Variants in HSPG2 observed in about 807,000 individuals in gnomAD.
HSPG2 encodes basement membrane-specific heparan sulfate proteoglycan core protein.
In HSPG2, 278 loss-of-function variants were observed where a neutral mutation model predicts 526.6. That is an observed-to-expected ratio of 0.53 (90% CI 0.48 to 0.58). The LOEUF (loss-of-function observed/expected upper bound fraction) is 0.58, where lower values mean the gene tolerates loss of function less well. HSPG2 is among the 20% of genes least tolerant of loss of function. The pLI is 0.00. For missense variants in HSPG2, 5,354 were observed against 6,099.5 expected (o/e 0.88, Z 4.07); for synonymous variants, 2,465 against 2,555.4 (o/e 0.96, Z 1.07).
Position 21,904,314 on chromosome 1 carries a change from C to A in HSPG2, c.64-8004G>T, listed in dbSNP as rs553401242. ...AGCAAAGCAGAGAAGGGGAAGAGTG[C>A]GGACCAGGTGGAGGGAAGGGCACAC... On this transcript the variant is annotated intron_variant, in intron 1 of 96. Transcript: ENST00000374695. This position sits in a 1 kb window ranked among gnomAD's most constrained non-coding sequence, Gnocchi z 4.4. 3.3e-5 allele frequency among the ~76,000 whole-genome samples: 5 copies of A among 152,090 alleles called. No homozygotes were observed. The South Asian group carries it at 8.3e-4, about 25-fold the overall frequency.
At chr1:21,876,072 G>A in intron 23 of HSPG2, 30 bp from the exon 24 acceptor site, 1 of 1,612,534 alleles carries the variant, frequency 6.2e-7, no homozygotes, top group Non-Finnish European at 8.5e-7. Flanking sequence ...GGAGCTTGCG[G>A]AGGCCTGAAT....
At chr1:21,914,487 G>A (rs1015333141) in intron 1 of HSPG2, among the ~76,000 whole-genome samples, 3 of 152,156 alleles carry the variant, frequency 2.0e-5, no homozygotes, top group Non-Finnish European at 4.4e-5. Flanking sequence ...TCTATCCCCC[G>A]GAGGAGAATC....
At chr1:21,903,243 C>T (rs976624388) in intron 1 of HSPG2, among the ~76,000 whole-genome samples, 8 of 152,168 alleles carry the variant, frequency 5.3e-5, no homozygotes, top group Non-Finnish European at 8.8e-5. Flanking sequence ...CCCTGAAATC[C>T]GTTCCAAGAC....
rs546574624 is a variant in HSPG2, at chr1:21,849,685, GT to G, written c.7446+355del. 9.9e-3 allele frequency among the ~76,000 whole-genome samples: 1,447 copies of G among 146,574 alleles called. 12 individuals carry two copies. Among genetic ancestry groups the G allele is most frequent in the Middle Eastern group, 0.029 (8 of 280 alleles). On this transcript the variant is annotated intron_variant, in intron 57 of 96. Coordinates refer to ENST00000374695, the MANE Select transcript of HSPG2 (RefSeq NM_005529.7). Reference sequence around the variant, plus strand: ...AACATGCCTGAGTTCAAAGCCTGTGGTTTTTTTTTTTTGAGACGGAGTCTTG... The same window carrying G: ...AACATGCCTGAGTTCAAAGCCTGTGGTTTTTTTTTTTGAGACGGAGTCTTG...
Position 21,848,174 on chromosome 1 carries a change from T to C in HSPG2, c.7738-81A>G. On this transcript the variant is annotated intron_variant, in intron 59 of 96. Coordinates refer to ENST00000374695, the MANE Select transcript of HSPG2 (RefSeq NM_005529.7). This position sits in a 1 kb window ranked among gnomAD's most constrained non-coding sequence, Gnocchi z 4.9. Reference sequence around the variant, plus strand: ...TCTTGGGCACTGCTGCCGCTGCCCCTGGACTCTGGGGGCCTCCCTGCCTTG... The same window carrying C: ...TCTTGGGCACTGCTGCCGCTGCCCCCGGACTCTGGGGGCCTCCCTGCCTTG... The C allele has an allele frequency of 3.4e-6, 5 of 1,470,740 alleles. No individual in the cohort carries two copies. Among genetic ancestry groups the C allele is most frequent in the Non-Finnish European group, 4.6e-6 (5 of 1,085,440 alleles). The allele number at this position is 1,470,740 out of a possible 1,614,324, so 91.1% of individuals were successfully genotyped here. A position where few individuals can be genotyped will look rare whatever the true frequency, so the allele number is the denominator to read the frequency against.
Position 21,823,284 on chromosome 1 carries a change from G to A in HSPG2, c.*32C>T. ...ACTCGACATTGTCGGGCTGGGGCGT[G>A]GCCCGGGAGTCCGTGTGGGGCAGGC... On this transcript the variant is annotated 3_prime_UTR_variant, in exon 97 of 97. Coordinates refer to ENST00000374695, the MANE Select transcript of HSPG2 (RefSeq NM_005529.7). 2 of 1,477,524 alleles carry A rather than the reference G, an allele frequency of 1.4e-6. No homozygotes were observed. The highest frequency in any genetic ancestry group is 9.0e-7 in the Non-Finnish European group (1 of 1,115,242). 91.5% of individuals were successfully genotyped at this position (1,477,524 alleles called of 1,614,324 possible).
chr1:21,843,877 C>A (rs962921914), intron 65 of HSPG2, among the ~76,000 whole-genome samples: 4 of 152,156 alleles, frequency 2.6e-5, no homozygotes, highest in African/African-American at 9.7e-5. Flanking sequence ...CTCAAGTGAT[C>A]CACCTGCCTC....
rs1638631149 is a variant in HSPG2, at chr1:21,848,544, T to A, written c.7737+99A>T. The A allele has an allele frequency of 7.3e-7, 1 of 1,370,058 alleles. No individual in the cohort carries two copies. The highest frequency in any genetic ancestry group is 1.0e-6 in the Non-Finnish European group (1 of 962,942). 84.9% of individuals were successfully genotyped at this position (1,370,058 alleles called of 1,614,324 possible). A position where few individuals can be genotyped will look rare whatever the true frequency, so the allele number is the denominator to read the frequency against. On this transcript the variant is annotated intron_variant, in intron 59 of 96. Coordinates refer to ENST00000374695, the MANE Select transcript of HSPG2 (RefSeq NM_005529.7). The surrounding 1 kb of genome is among the most constrained non-coding windows in gnomAD (Gnocchi z 4.9). ...GCAAGGATACTCAATGTTTGTTGAATGACTGAATGAGCACAGAGTGAGGTG... is the reference window on the plus strand; with the variant it reads ...GCAAGGATACTCAATGTTTGTTGAAAGACTGAATGAGCACAGAGTGAGGTG...
chr1:21,852,576 A>G, intron 52 of HSPG2, 124 bp downstream of exon 52: 1 of 1,345,930 alleles, frequency 7.4e-7, no homozygotes, highest in Non-Finnish European at 1.1e-6. Flanking sequence ...CGGCCTGGGC[A>G]GGGCCCTGCA....
chr1:21,900,416 CA>C lies in HSPG2; in HGVS notation c.64-4107del, dbSNP rs1337303637. Among the ~76,000 whole-genome samples the C allele has an allele frequency of 1.2e-4, 18 of 152,178 alleles. 1 individual carries two copies. Among genetic ancestry groups the C allele is most frequent in the Admixed American group, 1.0e-3 (16 of 15,280 alleles). On this transcript the variant is annotated intron_variant, in intron 1 of 96. Transcript: ENST00000374695. ...TGGGCGAGGGCTTCTGGGAGGCACC[CA>C]ATCCCAGAGGTGGGCTATGTCCAGG...
intron 65 of HSPG2, 92 bp downstream of exon 65, chr1:21,844,056 C>T: frequency 6.5e-7 from 1 of 1,535,986 alleles, no homozygotes; most frequent in Non-Finnish European, 8.9e-7. Context: ...CCACAAGCCC[C>T]AGTTGCTGAG....
In HSPG2 at chr1:21,848,148, A is replaced by G; in HGVS notation, c.7738-55T>C. On this transcript the variant is annotated intron_variant, in intron 59 of 96. Transcript: ENST00000374695. The surrounding 1 kb of genome is among the most constrained non-coding windows in gnomAD (Gnocchi z 4.9). ...CAGTAGGTGTGGGCAGCTCCTCCACATCTTGGGCACTGCTGCCGCTGCCCC... is the reference window on the plus strand; with the variant it reads ...CAGTAGGTGTGGGCAGCTCCTCCACGTCTTGGGCACTGCTGCCGCTGCCCC... 1 of 1,542,196 alleles carries G rather than the reference A, an allele frequency of 6.5e-7. No individual in the cohort carries two copies. Among genetic ancestry groups the G allele is most frequent in the Non-Finnish European group, 8.7e-7 (1 of 1,145,576 alleles).
chr1:21,851,273 G>A (rs1198533760), intron 55 of HSPG2: 1 of 522,690 alleles, frequency 1.9e-6, no homozygotes, highest in African/African-American at 1.9e-5. Flanking sequence ...GTGCCCGGCT[G>A]GTACGTACCA....
At position 21,848,117 on chromosome 1, in the gene HSPG2, G is replaced by C. The variant is rs780381439; in HGVS notation, c.7738-24C>G. 7 of 1,561,700 alleles carry C rather than the reference G, an allele frequency of 4.5e-6. No homozygotes were observed. The highest frequency in any genetic ancestry group is 1.7e-6 in the Non-Finnish European group (2 of 1,154,314). On this transcript the variant is annotated intron_variant, in intron 59 of 96. Coordinates refer to ENST00000374695, the MANE Select transcript of HSPG2 (RefSeq NM_005529.7). This position sits in a 1 kb window ranked among gnomAD's most constrained non-coding sequence, Gnocchi z 4.9. The stretch of plus-strand genomic sequence containing the variant: ...ATCTGCAGGAAGCAGATGGCAGGAG[G>C]TATGGCAGTAGGTGTGGGCAGCTCC...
Position 21,831,469 on chromosome 1 carries a change from A to C in HSPG2, c.11446T>G (p.Phe3816Val). 6 of 1,613,930 alleles carry C rather than the reference A, an allele frequency of 3.7e-6. No homozygotes were observed. Among genetic ancestry groups the C allele is most frequent in the Non-Finnish European group, 5.1e-6 (6 of 1,179,862 alleles). ...AGGTGGGGAGGGGGCTCACCTATGAAGCCGCTGCTCAGCCCCGCCTTGGGG... is the reference window on the plus strand; with the variant it reads ...AGGTGGGGAGGGGGCTCACCTATGACGCCGCTGCTCAGCCCCGCCTTGGGG... ...AIPKAGLSSGFIGCVRELRIQ... is the reference protein window; with the variant it reads ...AIPKAGLSSGVIGCVRELRIQ... Residue 3816 changes from phenylalanine to valine, a missense_variant, in exon 83 of 97, where the codon TTC (phenylalanine) becomes GTC (valine). Transcript: ENST00000374695.
chr1:21,928,587 T>C (rs1407322138), intron 1 of HSPG2, among the ~76,000 whole-genome samples: 2 of 151,734 alleles, frequency 1.3e-5, no homozygotes, highest in Non-Finnish European at 2.9e-5. Context: ...ACTACAGTCA[T>C]GCACCACCAC....
intron 39 of HSPG2, 136 bp downstream of exon 39, chr1:21,861,621 G>T: frequency 1.2e-6 from 1 of 824,504 alleles, no homozygotes; most frequent in East Asian, 2.7e-5. Context: ...GAGCAATGAG[G>T]TGTCTTAGAA....
chr1:21,845,711 C>T (rs1446918288), intron 64 of HSPG2, among the ~76,000 whole-genome samples: 3 of 152,142 alleles, frequency 2.0e-5, no homozygotes, highest in Non-Finnish European at 4.4e-5. Context: ...CTCCAATACT[C>T]GCAGAGGTGC....
chr1:21,863,688 C>T (rs558829026), intron 37 of HSPG2, among the ~76,000 whole-genome samples: 2 of 148,308 alleles, frequency 1.3e-5, no homozygotes, highest in Admixed American at 1.4e-4. Context: ...CAGAACGAGA[C>T]TGAGACCCTG....
Sources: gnomAD v4.1 joint callset for allele counts (sites outside exome capture counted in the v4.1 genomes callset) on GRCh38, gnomAD v4.1.1 for gene constraint, Gnocchi (gnomAD v3.1) non-coding constraint, MANE v1.5 for transcripts, NCBI Gene and HGNC (gene_info 2026-07-23, HGNC 2026-07-21) for gene names.